The following KIAA0408 variants were observed in gnomAD, a reference collection of about 807,000 sequenced individuals.
KIAA0408 encodes the protein uncharacterized protein KIAA0408.
KIAA0408 carries 51 observed loss-of-function variants against 60.9 expected under a neutral mutation model. That is an observed-to-expected ratio of 0.84 (90% CI 0.67 to 1.06). The LOEUF is 1.06. Ranked by LOEUF, KIAA0408 falls within the 50% of genes least tolerant of loss-of-function variation. The pLI is 0.00. For missense variants in KIAA0408, 787 were observed against 833.9 expected (o/e 0.94, Z 0.69); for synonymous variants, 304 against 282.4 (o/e 1.08, Z -0.77).
intron 1 of KIAA0408, among the ~76,000 whole-genome samples, chr6:127,458,265 C>A (rs182966608): frequency 1.4e-3 from 207 of 152,282 alleles, no homozygotes; most frequent in Admixed American, 3.2e-3. Flanking sequence ...ATTAATAAAT[C>A]TCATTCCTCT....
chr6:127,443,982 A>C lies in KIAA0408; in HGVS notation c.*127T>G. On this transcript the variant is annotated 3_prime_UTR_variant, in exon 6 of 6. Coordinates refer to ENST00000483725, the MANE Select transcript of KIAA0408 (RefSeq NM_014702.5). ...TTATTCCTTAGATTAAAAACACTGA[A>C]GACTGATGGAAAGTTAAGATTCAAA... 1.3e-6 allele frequency: 1 copy of C among 789,044 alleles called. No homozygotes were observed. The highest frequency in any genetic ancestry group is 2.0e-6 in the Non-Finnish European group (1 of 500,962). 48.9% of individuals were successfully genotyped at this position (789,044 alleles called of 1,614,324 possible).
chr6:127,446,645 T>C lies in KIAA0408; in HGVS notation c.1674A>G (p.Ser558=), dbSNP rs1369864404. The change falls in exon 5 of 6, where the codon TCA becomes TCG. Residue 558 remains serine, a synonymous_variant. Transcript: ENST00000483725. The part of the protein sequence containing the change: ...SGRPRSADPR[S]NYGVVEKLLK... ...GCAGCTTTTCCACAACACCATAATT[T>C]GACCTGGGATCAGCTGACCTCGGAC... The C allele has an allele frequency of 2.5e-6, 4 of 1,614,110 alleles. No individual in the cohort carries two copies. The highest frequency in any genetic ancestry group is 2.2e-5 in the South Asian group (2 of 91,082).
At position 127,449,865 on chromosome 6, in the gene KIAA0408, A is replaced by C. The variant is rs748913607; in HGVS notation, c.535T>G (p.Cys179Gly). The change falls in exon 4 of 6, where the codon TGC becomes GGC. Residue 179 changes from cysteine to glycine, a missense_variant. Coordinates refer to ENST00000483725, the MANE Select transcript of KIAA0408 (RefSeq NM_014702.5). Reference protein sequence around the residue: ...EELAKVSEELCSFQEEIRKRS... With the variant: ...EELAKVSEELGSFQEEIRKRS... The stretch of plus-strand genomic sequence containing the variant: ...TTTCGAATTTCCTCTTGAAAGCTGC[A>C]TAATTCTTCACTCACCTTCGCAAGT... 1 of 1,614,096 alleles carries C rather than the reference A, an allele frequency of 6.2e-7. No homozygotes were observed. Among genetic ancestry groups the C allele is most frequent in the East Asian group, 2.2e-5 (1 of 44,886 alleles).
Position 127,441,071 on chromosome 6 carries a change from T to C in KIAA0408, c.*3038A>G, listed in dbSNP as rs1773101153. The C allele has an allele frequency of 6.6e-6, 1 of 152,234 alleles. No individual in the cohort carries two copies. Among genetic ancestry groups the C allele is most frequent in the South Asian group, 2.1e-4 (1 of 4,830 alleles). 9.4% of individuals were successfully genotyped at this position (152,234 alleles called of 1,614,324 possible). A position where few individuals can be genotyped will look rare whatever the true frequency, so the allele number is the denominator to read the frequency against. On this transcript the variant is annotated 3_prime_UTR_variant, in exon 6 of 6. Transcript: ENST00000483725. ...TTGTTTTTACACCTACTTTATTTGA[T>C]AGCTTCTAATGGCTGAAGGAGATTT...
chr6:127,448,358 T>TGG (rs1773241074), intron 4 of KIAA0408, among the ~76,000 whole-genome samples: 1 of 152,012 alleles, frequency 6.6e-6, no homozygotes, highest in South Asian at 2.1e-4. Flanking sequence ...GGAAAATGAG[T>TGG]ACTTTGATAT....
At chr6:127,449,737 A>C in intron 4 of KIAA0408, 85 bp downstream of exon 4, 1 of 1,543,396 alleles carries the variant, frequency 6.5e-7, no homozygotes, top group Non-Finnish European at 8.8e-7. Flanking sequence ...TCTTACATGT[A>C]AGGAGGAGGC....
intron 2 of KIAA0408, chr6:127,451,277 C>T (rs1200816867): frequency 2.2e-6 from 1 of 455,672 alleles, no homozygotes; most frequent in Admixed American, 2.4e-5. Flanking sequence ...CTGCTTAATA[C>T]ATACCGATAA....
intron 2 of KIAA0408, among the ~76,000 whole-genome samples, 160 bp downstream of exon 2, chr6:127,453,687 G>C (rs1455962782): frequency 1.3e-5 from 2 of 151,944 alleles, no homozygotes; most frequent in Non-Finnish European, 2.9e-5. Flanking sequence ...CAATACCATT[G>C]GATAAGATTA....
Position 127,449,991 on chromosome 6 carries a change from G to C in KIAA0408, c.497C>G (p.Thr166Arg). 3 of 1,613,720 alleles carry C rather than the reference G, an allele frequency of 1.9e-6. No homozygotes were observed. Among genetic ancestry groups the C allele is most frequent in the Non-Finnish European group, 2.5e-6 (3 of 1,179,862 alleles). The change falls in exon 3 of 6, where the codon ACA (threonine) becomes AGA (arginine). Residue 166 changes from threonine to arginine, a missense_variant and splice_region_variant. By Grantham distance (71) the Thr-to-Arg change is moderately conservative. Around this residue, in one of 3 missense-constraint regions of KIAA0408, gnomAD observed 640 missense variants for 681.3 expected, o/e 0.94. Coordinates refer to ENST00000483725, the MANE Select transcript of KIAA0408 (RefSeq NM_014702.5). ...DSKSCSGALS[T>R]ALEELAKVSE... ...CTAGGCCAATCACATCTTACTTACT[G>C]TACTGAGGGCGCCAGAACAGCTCTT...
At chr6:127,446,381 C>T in intron 5 of KIAA0408, 27 bp downstream of exon 5, 2 of 1,582,324 alleles carry the variant, frequency 1.3e-6, no homozygotes, top group Non-Finnish European at 1.7e-6. Flanking sequence ...TGGATGCTAC[C>T]AAATTATGTT....
chr6:127,456,414 C>T (rs749156756), intron 1 of KIAA0408, among the ~76,000 whole-genome samples: 12 of 152,038 alleles, frequency 7.9e-5, no homozygotes, highest in Admixed American at 3.3e-4. Flanking sequence ...TTTAACCTAC[C>T]GGAAGATCAT....
At chr6:127,450,544 G>A (rs1773285067) in intron 2 of KIAA0408, 192 bp from the exon 3 acceptor site, 4 of 881,200 alleles carry the variant, frequency 4.5e-6, no homozygotes, top group South Asian at 2.7e-5. Context: ...GAAACATAAA[G>A]GCTACTTTTA....
chr6:127,444,389 A>G (rs1773153616), intron 5 of KIAA0408, 107 bp from the exon 6 acceptor site: 6 of 879,292 alleles, frequency 6.8e-6, no homozygotes, highest in South Asian at 2.7e-5. Context: ...ATTTACAAGA[A>G]AGAAAAAGCA....
rs1583069600 is a variant in KIAA0408 at position 127,450,480 on chromosome 6, C to T, written c.136-128G>A. ...AAAATATACTTCCTGGGTATTAATG[C>T]TTCGGCCTCCAAATAGTGCCTCTAA... is the stretch of plus-strand genomic sequence containing the variant. On this transcript the variant is annotated intron_variant, in intron 2 of 5. Coordinates refer to ENST00000483725, the MANE Select transcript of KIAA0408 (RefSeq NM_014702.5). 4 of 1,377,572 alleles carry T rather than the reference C, an allele frequency of 2.9e-6. No individual in the cohort carries two copies. In the East Asian group the frequency reaches 1.0e-4, roughly 35 times the overall value. The allele number at this position is 1,377,572 out of a possible 1,614,324, so 85.3% of individuals were successfully genotyped here.
Position 127,447,123 on chromosome 6 carries a change from G to A in KIAA0408, c.1196C>T (p.Ala399Val), listed in dbSNP as rs1302669290. 3 of 1,613,864 alleles carry A rather than the reference G, an allele frequency of 1.9e-6. No homozygotes were observed. Among genetic ancestry groups the A allele is most frequent in the Non-Finnish European group, 2.5e-6 (3 of 1,179,992 alleles). The stretch of plus-strand genomic sequence containing the variant: ...TACATGAAGATCAGGATGAGATTTA[G>A]CAGGGTGATCTGGGATCACCATTTC... ...KYEMVIPDHP[A>V]KSHPDLHVSN... Residue 399 changes from alanine to valine, a missense_variant, in exon 5 of 6, where the codon GCT becomes GTT. By Grantham distance (64) the Ala-to-Val change is moderately conservative (BLOSUM62 0). Transcript: ENST00000483725.
chr6:127,444,720 G>A (rs1193261764), intron 5 of KIAA0408, among the ~76,000 whole-genome samples: 1 of 150,666 alleles, frequency 6.6e-6, no homozygotes, highest in Non-Finnish European at 1.5e-5. Context: ...GAGGTGATAC[G>A]CAAAAGGCAC....
intron 1 of KIAA0408, among the ~76,000 whole-genome samples, chr6:127,456,785 G>C (rs542271590): frequency 3.6e-4 from 8 of 22,170 alleles, no homozygotes; most frequent in South Asian, 3.6e-3. Flanking sequence ...ATAAAGTGGT[G>C]GGGGGGGGGC....
chr6:127,454,431 T>A (rs914489371), intron 1 of KIAA0408, among the ~76,000 whole-genome samples: 16 of 151,852 alleles, frequency 1.1e-4, no homozygotes, highest in African/African-American at 3.9e-4. Context: ...ACAATTCAAA[T>A]GTATGCTCAC....
Position 127,447,410 on chromosome 6 carries a change from AC to A in KIAA0408, c.908del (p.Gly303ValfsTer13). ...LDHNSWVPHE[G>X]RSKRNYNPHF... The stretch of plus-strand genomic sequence containing the variant: ...GAGGGTTGTAATTCCTTTTACTTCG[AC>A]CCTCATGGGGCACCCAGCTGTTGTG... On this transcript the variant is annotated frameshift_variant, in exon 5 of 6. Coordinates refer to ENST00000483725, the MANE Select transcript of KIAA0408 (RefSeq NM_014702.5). LOFTEE classifies it high-confidence loss of function. 1 of 1,613,298 alleles carries A rather than the reference AC, an allele frequency of 6.2e-7. No individual in the cohort carries two copies. Among genetic ancestry groups the A allele is most frequent in the Non-Finnish European group, 8.5e-7 (1 of 1,179,764 alleles).
Sources: allele counts gnomAD v4.1 joint callset (sites outside exome capture counted in the v4.1 genomes callset), GRCh38; gene constraint gnomAD v4.1.1; regional missense constraint gnomAD v4.1.1; transcripts MANE v1.5; gene names NCBI Gene and HGNC (gene_info 2026-07-23, HGNC 2026-07-21).